Variants in GADL1 observed in about 807,000 individuals in gnomAD.
GADL1 encodes the protein GAD like acidic amino acid decarboxylase 1.
A neutral mutation model predicts 69.5 loss-of-function variants in GADL1; 71 were observed. The observed-to-expected ratio is 1.02, with a 90% CI of 0.84 to 1.25. GADL1 has a LOEUF of 1.25. Ranked by LOEUF, GADL1 falls within the 50% of genes most tolerant of loss-of-function variation. GADL1 has a pLI of 0.00. For missense variants in GADL1, 737 were observed against 631.8 expected (o/e 1.17, Z -1.79); for synonymous variants, 254 against 214.4 (o/e 1.18, Z -1.62).
At chr3:30,878,465 G>A (rs959012396) in intron 1 of GADL1, among the ~76,000 whole-genome samples, 1 of 151,888 alleles carries the variant, frequency 6.6e-6, no homozygotes, top group African/African-American at 2.4e-5. Flanking sequence ...AAGTATCTCT[G>A]TAAATTATTT....
intron 12 of GADL1, among the ~76,000 whole-genome samples, chr3:30,791,244 T>A (rs761847681): frequency 6.6e-6 from 1 of 152,306 alleles, no homozygotes; most frequent in African/African-American, 2.4e-5. Context: ...TTGTGAACCA[T>A]CCTTTTTCTC....
intron 1 of GADL1, among the ~76,000 whole-genome samples, chr3:30,873,188 A>T (rs1373971664): frequency 6.6e-6 from 1 of 151,940 alleles, no homozygotes; most frequent in Admixed American, 6.6e-5. Context: ...ATGAAACAAA[A>T]ATATAATTGC....
chr3:30,800,904 G>A lies in GADL1; in HGVS notation c.1235C>T (p.Ala412Val), dbSNP rs145482828. 3.5e-4 allele frequency: 564 copies of A among 1,610,268 alleles called. No individual in the cohort carries two copies. Among genetic ancestry groups the A allele is most frequent in the Non-Finnish European group, 4.6e-4 (539 of 1,179,442 alleles). Residue 412 changes from alanine (A) to valine (V), a missense_variant, in exon 12 of 15, where the codon GCT becomes GTT. Ala to Val is a moderately conservative substitution (Grantham distance 64). Transcript: ENST00000282538. Reference sequence around the variant, plus strand: ...AGGCTAGTACCTAGATAAAGCAAGAGCACGATTAACTCTTTCTTCAAGGCC... The same window carrying A: ...AGGCTAGTACCTAGATAAAGCAAGAACACGATTAACTCTTTCTTCAAGGCC... Reference protein sequence around the residue: ...TLGLEERVNRALALSRYLVDE... With the variant: ...TLGLEERVNRVLALSRYLVDE...
chr3:30,775,361 GAAAT>G (rs1696513026), intron 14 of GADL1, among the ~76,000 whole-genome samples: 1 of 152,146 alleles, frequency 6.6e-6, no homozygotes, highest in Admixed American at 6.6e-5. Flanking sequence ...GATAAACCCT[GAAAT>G]AAATTTCAAG....
chr3:30,770,720 C>T (rs1362550214), intron 14 of GADL1, among the ~76,000 whole-genome samples: 1 of 152,150 alleles, frequency 6.6e-6, no homozygotes, highest in South Asian at 2.1e-4. Context: ...CCTCAGCCTG[C>T]AGAAATGCCA....
intron 1 of GADL1, among the ~76,000 whole-genome samples, chr3:30,889,138 C>A (rs866840749): frequency 2.1e-4 from 30 of 140,570 alleles, no homozygotes; most frequent in Admixed American, 6.9e-4. Context: ...ACTCACAGTT[C>A]CACATGGCTG....
intron 5 of GADL1, among the ~76,000 whole-genome samples, chr3:30,850,442 T>C (rs1324709295): frequency 6.6e-6 from 1 of 152,096 alleles, no homozygotes; most frequent in African/African-American, 2.4e-5. Flanking sequence ...TGTCACCTAA[T>C]CAATAAAATT....
intron 4 of GADL1, among the ~76,000 whole-genome samples, chr3:30,854,325 G>T (rs1233826776): frequency 6.6e-6 from 1 of 152,088 alleles, no homozygotes; most frequent in Non-Finnish European, 1.5e-5. Flanking sequence ...GGACCACTTC[G>T]ATTAGCATTT....
At chr3:30,782,382 G>A (rs993876877) in intron 13 of GADL1, among the ~76,000 whole-genome samples, 6 of 152,082 alleles carry the variant, frequency 3.9e-5, no homozygotes, top group Non-Finnish European at 7.4e-5. Context: ...GAGTGGAGAA[G>A]ACTAAGCATT....
At chr3:30,851,148 G>A (rs1698140496) in intron 4 of GADL1, among the ~76,000 whole-genome samples, 1 of 152,162 alleles carries the variant, frequency 6.6e-6, no homozygotes, top group South Asian at 2.1e-4. Context: ...TGTGGCCTCA[G>A]GGATCTGCAA....
At chr3:30,790,181 T>C (rs1559500555) in intron 12 of GADL1, among the ~76,000 whole-genome samples, 1 of 152,176 alleles carries the variant, frequency 6.6e-6, no homozygotes, top group Non-Finnish European at 1.5e-5. Flanking sequence ...GTTGGCCTAA[T>C]TTTGATATTG....
chr3:30,810,849 GA>G (rs763434179), intron 11 of GADL1, among the ~76,000 whole-genome samples: 1 of 152,126 alleles, frequency 6.6e-6, no homozygotes, highest in Non-Finnish European at 1.5e-5. Flanking sequence ...CGCAAAATGA[GA>G]GGGGGAGGGG....
intron 14 of GADL1, among the ~76,000 whole-genome samples, chr3:30,752,244 T>C (rs6550018): frequency 0.42 from 64,500 of 151,956 alleles, 14,213 homozygotes; most frequent in African/African-American, 0.53. Context: ...TAAGGGAGGC[T>C]AGATCCACAA....
chr3:30,760,200 ACTTC>A (rs957359765), intron 14 of GADL1, among the ~76,000 whole-genome samples: 3 of 152,002 alleles, frequency 2.0e-5, no homozygotes, highest in Non-Finnish European at 2.9e-5. Context: ...CCTGTAGGAC[ACTTC>A]CTTCCTGCAC....
At chr3:30,771,649 AAAAAAGAACCTCATCT>A (rs1368058277) in intron 14 of GADL1, among the ~76,000 whole-genome samples, 1 of 152,240 alleles carries the variant, frequency 6.6e-6, no homozygotes, top group Non-Finnish European at 1.5e-5. Context: ...CATAAGGTTT[AAAAAAGAACCTCATCT>A]TTGAACATTT....
intron 14 of GADL1, among the ~76,000 whole-genome samples, chr3:30,744,085 G>A (rs1182099289): frequency 6.6e-6 from 1 of 152,094 alleles, no homozygotes. Context: ...GTGGGGAGAG[G>A]GAGGCTTATT....
At chr3:30,793,756 C>G (rs1376595307) in intron 12 of GADL1, among the ~76,000 whole-genome samples, 1 of 150,976 alleles carries the variant, frequency 6.6e-6, no homozygotes, top group African/African-American at 2.4e-5. Context: ...GCAAGACATT[C>G]TTTCCTCTCT....
intron 14 of GADL1, among the ~76,000 whole-genome samples, chr3:30,731,305 GC>G (rs1457826072): frequency 6.6e-6 from 1 of 152,168 alleles, no homozygotes; most frequent in Non-Finnish European, 1.5e-5. Flanking sequence ...CATGCTCTTG[GC>G]TCAGGCCTAA....
chr3:30,871,113 G>A (rs756356027), intron 1 of GADL1, among the ~76,000 whole-genome samples: 90 of 147,598 alleles, frequency 6.1e-4, no homozygotes, highest in Non-Finnish European at 8.5e-4. Flanking sequence ...TTTGTCCAAG[G>A]GGCAGGGTCT....
Sources: gnomAD v4.1 joint callset for allele counts (sites outside exome capture counted in the v4.1 genomes callset) on GRCh38, gnomAD v4.1.1 for gene constraint, MANE v1.5 for transcripts, NCBI Gene and HGNC (gene_info 2026-07-23, HGNC 2026-07-21) for gene names.